The following CNTNAP2 variants were observed in gnomAD, a reference collection of about 807,000 sequenced individuals.
The protein encoded by CNTNAP2 is contactin associated protein 2, also known as contactin-associated protein-like 2.
CNTNAP2 carries 98 observed loss-of-function variants against 155.2 expected under a neutral mutation model. That is an observed-to-expected ratio of 0.63 (90% confidence interval 0.54 to 0.75). CNTNAP2 has a LOEUF of 0.75. Among genes scored for constraint, CNTNAP2 ranks in the 30% least tolerant of loss-of-function variants. The pLI is 0.00. For missense variants in CNTNAP2, 1,727 were observed against 1,688.1 expected (o/e 1.02, Z -0.40); for synonymous variants, 651 against 631.2 (o/e 1.03, Z -0.47).
At chr7:146,160,467 TAAA>T (rs1798200219) in intron 1 of CNTNAP2, among the ~76,000 whole-genome samples, 2 of 151,944 alleles carry the variant, frequency 1.3e-5, no homozygotes, top group African/African-American at 4.8e-5. Flanking sequence ...GCAAGGCTAA[TAAA>T]GAAGAAAAGA....
At chr7:147,866,351 T>G (rs1356770849) in intron 13 of CNTNAP2, among the ~76,000 whole-genome samples, 1 of 152,202 alleles carries the variant, frequency 6.6e-6, no homozygotes, top group Non-Finnish European at 1.5e-5. Flanking sequence ...TTGTGGTCAT[T>G]TTTAGAATAA....
chr7:146,690,425 A>G (rs944896948), intron 1 of CNTNAP2, among the ~76,000 whole-genome samples: 2 of 152,178 alleles, frequency 1.3e-5, no homozygotes, highest in African/African-American at 4.8e-5. Flanking sequence ...TGGAGCTCCC[A>G]AAATGCCTGT....
At chr7:146,175,483 A>G (rs768725909) in intron 1 of CNTNAP2, among the ~76,000 whole-genome samples, 11 of 152,272 alleles carry the variant, frequency 7.2e-5, no homozygotes, top group African/African-American at 2.6e-4. Context: ...ACCGTTAATG[A>G]TCCATCTCAG....
intron 14 of CNTNAP2, among the ~76,000 whole-genome samples, chr7:147,918,520 TG>T (rs1186978854): frequency 2.0e-5 from 3 of 152,218 alleles, no homozygotes; most frequent in Non-Finnish European, 1.5e-5. Context: ...ACATAGACAC[TG>T]ACACGTGTAT....
chr7:146,805,654 ATAT>A (rs1409298378), intron 2 of CNTNAP2, among the ~76,000 whole-genome samples: 2 of 152,156 alleles, frequency 1.3e-5, no homozygotes, highest in Non-Finnish European at 2.9e-5. Flanking sequence ...CATGTCTATA[ATAT>A]TAATCTCTGT....
chr7:148,126,695 C>A (rs915879039), intron 16 of CNTNAP2, among the ~76,000 whole-genome samples: 4 of 152,102 alleles, frequency 2.6e-5, no homozygotes, highest in Admixed American at 1.3e-4. Context: ...GACAGGGAAT[C>A]CATGACCCAA....
chr7:148,167,423 G>A (rs1384076809), intron 17 of CNTNAP2, among the ~76,000 whole-genome samples: 1 of 151,974 alleles, frequency 6.6e-6, no homozygotes, highest in African/African-American at 2.4e-5. Flanking sequence ...ACAGGAGTGA[G>A]CAAAACTTTA....
intron 1 of CNTNAP2, among the ~76,000 whole-genome samples, chr7:146,302,523 A>G (rs903950553): frequency 2.6e-5 from 4 of 152,206 alleles, no homozygotes; most frequent in Non-Finnish European, 5.9e-5. Context: ...CCTGACAAAG[A>G]TTCTTCAAGA....
intron 1 of CNTNAP2, among the ~76,000 whole-genome samples, chr7:146,237,554 AT>A (rs1799494371): frequency 6.6e-6 from 1 of 152,188 alleles, no homozygotes; most frequent in African/African-American, 2.4e-5. Context: ...AGGAGTAATT[AT>A]TTTTGCTTTC....
At chr7:146,559,017 T>C (rs1798241537) in intron 1 of CNTNAP2, among the ~76,000 whole-genome samples, 3 of 152,206 alleles carry the variant, frequency 2.0e-5, no homozygotes, top group African/African-American at 7.2e-5. Flanking sequence ...AAAACTAATA[T>C]GCATTTAAAA....
intron 1 of CNTNAP2, among the ~76,000 whole-genome samples, chr7:146,585,747 A>T (rs1472486492): frequency 5.3e-5 from 8 of 150,358 alleles, no homozygotes; most frequent in African/African-American, 2.0e-4. Context: ...AGAAAAAGAA[A>T]GAAGGAAAGA....
chr7:146,932,436 G>A (rs554295811), intron 3 of CNTNAP2, among the ~76,000 whole-genome samples: 2 of 150,744 alleles, frequency 1.3e-5, no homozygotes, highest in African/African-American at 5.0e-5. Context: ...GGGATGTATG[G>A]CAAAATAATA....
chr7:148,028,749 G>T (rs902029221), intron 15 of CNTNAP2, among the ~76,000 whole-genome samples: 1 of 152,086 alleles, frequency 6.6e-6, no homozygotes, highest in African/African-American at 2.4e-5. Context: ...GGTCCTTCCT[G>T]TGCATCCCAA....
At chr7:146,648,412 C>T (rs1799851528) in intron 1 of CNTNAP2, among the ~76,000 whole-genome samples, 1 of 152,056 alleles carries the variant, frequency 6.6e-6, no homozygotes, top group Non-Finnish European at 1.5e-5. Flanking sequence ...AGCTTGGGGT[C>T]ATTTTTAATT....
intron 18 of CNTNAP2, among the ~76,000 whole-genome samples, chr7:148,182,503 T>G (rs1435844470): frequency 6.6e-6 from 1 of 152,212 alleles, no homozygotes; most frequent in Non-Finnish European, 1.5e-5. Context: ...AGCTCTGGCC[T>G]TAGCAACTGG....
intron 3 of CNTNAP2, among the ~76,000 whole-genome samples, chr7:146,947,558 TATATATATATATATATAC>T (rs1280183854): frequency 4.0e-3 from 85 of 21,114 alleles, no homozygotes; most frequent in African/African-American, 9.3e-3. Context: ...TGTGTGTGTG[TATATATATATATATATAC>T]ATATATATAT....
At chr7:146,539,438 G>C (rs1253632759) in intron 1 of CNTNAP2, among the ~76,000 whole-genome samples, 1 of 151,882 alleles carries the variant, frequency 6.6e-6, no homozygotes, top group African/African-American at 2.4e-5. Context: ...CAATCTGCCA[G>C]TTCAATGGAA....
intron 1 of CNTNAP2, among the ~76,000 whole-genome samples, chr7:146,526,165 T>C (rs746927018): frequency 1.3e-5 from 2 of 152,134 alleles, no homozygotes; most frequent in Non-Finnish European, 2.9e-5. Flanking sequence ...AAACTATCGC[T>C]AAAATTTGGG....
At chr7:148,310,260 A>C (rs1418531444) in intron 21 of CNTNAP2, among the ~76,000 whole-genome samples, 1 of 152,206 alleles carries the variant, frequency 6.6e-6, no homozygotes. Context: ...TTATGTTGTC[A>C]TACACCAGGC....
Sources: gnomAD v4.1 joint callset for allele counts (sites outside exome capture counted in the v4.1 genomes callset) on GRCh38, gnomAD v4.1.1 for gene constraint, MANE v1.5 for transcripts, NCBI Gene and HGNC (gene_info 2026-07-23, HGNC 2026-07-21) for gene names.